CCDC33: variants seen among roughly 807,000 people sequenced by gnomAD.
CCDC33 encodes the protein coiled-coil domain containing 33.
In CCDC33, 94 loss-of-function variants were observed where a neutral mutation model predicts 91.9. The observed-to-expected ratio is 1.02, with a 90% confidence interval of 0.87 to 1.21. The LOEUF (loss-of-function observed/expected upper bound fraction) is 1.21. Among genes scored for constraint, CCDC33 ranks in the 50% most tolerant of loss-of-function variants. The pLI, the probability that CCDC33 is intolerant of heterozygous loss-of-function variation, is 0.00. For synonymous variants in CCDC33, 396 were observed against 374.5 expected (o/e 1.06, Z -0.66); for missense variants, 940 against 935.5 (o/e 1.00, Z -0.06).
intron 11 of CCDC33, among the ~76,000 whole-genome samples, chr15:74,308,872 C>T (rs2059940772): frequency 6.6e-6 from 1 of 152,168 alleles, no homozygotes; most frequent in Non-Finnish European, 1.5e-5. Context: ...CACTCTTCCT[C>T]CTCAGGCTGG....
intron 2 of CCDC33, among the ~76,000 whole-genome samples, chr15:74,249,069 C>T (rs943663514): frequency 6.6e-6 from 1 of 152,170 alleles, no homozygotes; most frequent in East Asian, 1.9e-4. Context: ...GGCAGCCCCC[C>T]ACCCTCCCTG....
intron 17 of CCDC33, among the ~76,000 whole-genome samples, chr15:74,334,386 A>C (rs1291481483): frequency 1.3e-5 from 2 of 151,494 alleles, no homozygotes; most frequent in Non-Finnish European, 2.9e-5. Flanking sequence ...ATCCAGGGTC[A>C]GGGTTCAGTG....
upstream of CCDC33, among the ~76,000 whole-genome samples, chr15:74,216,355 A>G (rs951165396): frequency 1.3e-5 from 2 of 151,096 alleles, no homozygotes; most frequent in African/African-American, 2.4e-5. Context: ...CACTACCCCA[A>G]TCATACAGAT....
intron 2 of CCDC33, chr15:74,221,389 C>T: frequency 1.2e-6 from 1 of 849,254 alleles, no homozygotes; most frequent in Non-Finnish European, 1.4e-6. Flanking sequence ...GCTCAGCAAA[C>T]TTCCACGACT....
rs767701267 is a variant in CCDC33, at chr15:74,336,017, C to T, written c.2232C>T (p.Ser744=). ...ACTCTAAGCTCAACAAGCCCTTGAG[C>T]CCCCAGAAGGAGACCGCTAACTCTC... is the stretch of plus-strand genomic sequence containing the variant. ...SSDSKLNKPL[S]PQKETANSQQ... The change falls in exon 19 of 19, where the codon AGC becomes AGT. Residue 744 remains serine, a synonymous_variant. Transcript: ENST00000398814. The T allele has an allele frequency of 3.7e-6, 6 of 1,613,896 alleles. No individual in the cohort carries two copies. Among genetic ancestry groups the T allele is most frequent in the Admixed American group, 1.7e-5 (1 of 60,028 alleles).
intron 11 of CCDC33, chr15:74,304,336 C>T (rs1464374203): frequency 6.6e-6 from 1 of 152,200 alleles, no homozygotes; most frequent in African/African-American, 2.4e-5. Context: ...AAAAAGGAAG[C>T]AAAAATCCCC....
In CCDC33 at chr15:74,329,183, C is replaced by A. The variant is rs552459296; in HGVS notation, c.1291-1006C>A. On this transcript the variant is annotated intron_variant, in intron 11 of 18. Transcript: ENST00000398814. ...TTTCATATATATATATATATACATG[C>A]ACATGGGCAGGCATGATTTTTTCTC... Among the ~76,000 whole-genome samples the A allele has an allele frequency of 2.0e-5, 3 of 151,004 alleles. No individual in the cohort carries two copies. In the East Asian group the frequency reaches 5.8e-4, roughly 29 times the overall value.
At chr15:74,238,637 T>C (rs1446947754) in intron 1 of CCDC33, among the ~76,000 whole-genome samples, 3 of 152,210 alleles carry the variant, frequency 2.0e-5, no homozygotes, top group East Asian at 3.8e-4. Context: ...GAAGTTAGTA[T>C]AGATTTTTAA....
At chr15:74,225,383 G>A (rs559888348) in intron 2 of CCDC33, among the ~76,000 whole-genome samples, 17 of 152,036 alleles carry the variant, frequency 1.1e-4, no homozygotes, top group African/African-American at 3.6e-4. Context: ...CATGGAAAGC[G>A]GATGTGCCCC....
At chr15:74,260,270 GC>G (rs1313412946) in intron 2 of CCDC33, among the ~76,000 whole-genome samples, 1 of 152,180 alleles carries the variant, frequency 6.6e-6, no homozygotes, top group African/African-American at 2.4e-5. Flanking sequence ...TTCCTGCCAG[GC>G]TTCTGCCTTC....
intron 10 of CCDC33, among the ~76,000 whole-genome samples, chr15:74,288,783 A>G (rs1365228615): frequency 6.6e-6 from 1 of 152,200 alleles, no homozygotes; most frequent in East Asian, 1.9e-4. Context: ...GAGGTGGCCA[A>G]GACACTTGAA....
At chr15:74,310,733 G>T (rs1226919714) in intron 11 of CCDC33, among the ~76,000 whole-genome samples, 2 of 152,118 alleles carry the variant, frequency 1.3e-5, no homozygotes, top group Non-Finnish European at 2.9e-5. Context: ...TGAGCAGTGG[G>T]CAAGGCTGAG....
At chr15:74,207,194 G>A (rs1422196645) in intron 1 of CCDC33, among the ~76,000 whole-genome samples, 1 of 152,132 alleles carries the variant, frequency 6.6e-6, no homozygotes, top group African/African-American at 2.4e-5. Context: ...AATCCTCAAA[G>A]GGCAAAGTGC....
intron 2 of CCDC33, among the ~76,000 whole-genome samples, chr15:74,262,235 A>G (rs2076043222): frequency 6.6e-6 from 1 of 152,158 alleles, no homozygotes; most frequent in Non-Finnish European, 1.5e-5. Context: ...AGGCCTCAGT[A>G]GTGGCCAGCG....
At chr15:74,301,871 C>T (rs60033499) in intron 11 of CCDC33, 1 of 151,590 alleles carries the variant, frequency 6.6e-6, no homozygotes, top group African/African-American at 2.4e-5. Context: ...TCCCTCCCCC[C>T]TCTCTCTCTC....
intron 1 of CCDC33, among the ~76,000 whole-genome samples, chr15:74,241,134 G>T (rs376212324): frequency 6.6e-6 from 1 of 152,200 alleles, no homozygotes; most frequent in Non-Finnish European, 1.5e-5. Context: ...ATGGGGGAGA[G>T]AAGGAGGGGC....
rs531903243 is a variant in CCDC33, at chr15:74,203,780, T to C, written n.89+682T>C. On this transcript the variant is annotated intron_variant and non_coding_transcript_variant, in intron 1 of 3. Transcript: ENST00000558645. Reference sequence around the variant, plus strand: ...TCACAGGTTGAGCTGGTCTGTACCATGGGAAACCAAATTTAGTCCAAGAGC... The same window carrying C: ...TCACAGGTTGAGCTGGTCTGTACCACGGGAAACCAAATTTAGTCCAAGAGC... Among the ~76,000 whole-genome samples, 3 of 152,112 alleles carry C rather than the reference T, an allele frequency of 2.0e-5. No individual in the cohort carries two copies. The South Asian group carries it at 6.2e-4, about 32-fold the overall frequency.
At chr15:74,317,397 T>C (rs2060108503) in intron 11 of CCDC33, among the ~76,000 whole-genome samples, 2 of 151,222 alleles carry the variant, frequency 1.3e-5, no homozygotes, top group Admixed American at 1.3e-4. Flanking sequence ...AGAAAAAGAG[T>C]AAGTGAAACA....
At chr15:74,311,930 C>T (rs1478113203) in intron 11 of CCDC33, 1 of 152,196 alleles carries the variant, frequency 6.6e-6, no homozygotes, top group Non-Finnish European at 1.5e-5. Context: ...AGCTCCTGGC[C>T]ACCAGGGGCC....
Sources: gnomAD v4.1 joint callset for allele counts (sites outside exome capture counted in the v4.1 genomes callset) on GRCh38, gnomAD v4.1.1 for gene constraint, MANE v1.5 for transcripts, NCBI Gene and HGNC (gene_info 2026-07-23, HGNC 2026-07-21) for gene names.